The following F13A1 variants were observed in gnomAD, a reference collection of about 807,000 sequenced individuals.
F13A1 encodes coagulation factor XIII A chain.
In F13A1, 47 loss-of-function variants were observed where a neutral mutation model predicts 80.1. That is an observed-to-expected ratio of 0.59 (90% CI 0.46 to 0.75). F13A1 has a LOEUF of 0.75. Ranked by LOEUF, F13A1 falls within the 30% of genes least tolerant of loss-of-function variation. The probability of loss-of-function intolerance (pLI) is 0.00; values close to 1 mark genes in which losing one functional copy is unlikely to be tolerated. For synonymous variants in F13A1, 349 were observed against 344.9 expected (o/e 1.01, Z -0.13); for missense variants, 817 against 930.4 (o/e 0.88, Z 1.59).
At chr6:6,151,978 C>T (rs2274394) in intron 13 of F13A1, 29 bp from the exon 14 acceptor site, 1 of 1,612,612 alleles carries the variant, frequency 6.2e-7, no homozygotes, top group Non-Finnish European at 8.5e-7. Context: ...GTCATTAGCA[C>T]CAAATAAAAC....
At chr6:6,217,322 T>C (rs1319922328) in intron 8 of F13A1, among the ~76,000 whole-genome samples, 1 of 151,438 alleles carries the variant, frequency 6.6e-6, no homozygotes, top group East Asian at 2.0e-4. Flanking sequence ...ATGTGGCACA[T>C]ATACACCATG....
At chr6:6,256,936 A>G (rs1246667484) in intron 4 of F13A1, among the ~76,000 whole-genome samples, 4 of 152,222 alleles carry the variant, frequency 2.6e-5, no homozygotes, top group Non-Finnish European at 5.9e-5. Context: ...GCTAACCTAC[A>G]TGGTCTCTTT....
At chr6:6,282,500 G>T (rs1265968336) in intron 3 of F13A1, among the ~76,000 whole-genome samples, 3 of 152,148 alleles carry the variant, frequency 2.0e-5, no homozygotes, top group Non-Finnish European at 2.9e-5. Context: ...ATAGTCTCAA[G>T]ATAATTTCCT....
At chr6:6,253,612 TC>T (rs1382169028) in intron 4 of F13A1, among the ~76,000 whole-genome samples, 10 of 152,262 alleles carry the variant, frequency 6.6e-5, no homozygotes, top group Non-Finnish European at 1.5e-4. Context: ...ATGAGCCCAA[TC>T]CCAGCCAAGC....
intron 11 of F13A1, among the ~76,000 whole-genome samples, chr6:6,175,589 C>T (rs951163467): frequency 8.5e-5 from 13 of 152,206 alleles, no homozygotes; most frequent in South Asian, 6.2e-4. Context: ...AGTTGTCCAG[C>T]GCCTCCTGGA....
intron 10 of F13A1, among the ~76,000 whole-genome samples, chr6:6,192,351 TGAGTTAGGAG>T (rs1288675427): frequency 5.3e-5 from 8 of 151,992 alleles, no homozygotes; most frequent in East Asian, 1.9e-4. Flanking sequence ...ATCAGGGAGA[TGAGTTAGGAG>T]GAGTTAGGAG....
intron 4 of F13A1, among the ~76,000 whole-genome samples, chr6:6,256,946 T>C (rs894184599): frequency 6.6e-6 from 1 of 152,202 alleles, no homozygotes; most frequent in African/African-American, 2.4e-5. Flanking sequence ...ATGGTCTCTT[T>C]CAACAGTTTA....
chr6:6,151,306 C>T (rs1760369305), intron 14 of F13A1, among the ~76,000 whole-genome samples: 1 of 152,070 alleles, frequency 6.6e-6, no homozygotes, highest in Admixed American at 6.6e-5. Context: ...CAGTTGTAGA[C>T]ACTGATTGGG....
intron 14 of F13A1, among the ~76,000 whole-genome samples, chr6:6,148,991 C>T (rs547417662): frequency 1.0e-5 from 1 of 100,126 alleles, no homozygotes; most frequent in Non-Finnish European, 1.9e-5. Flanking sequence ...CATGTAGACA[C>T]TAAAAAAAAA....
chr6:6,162,687 A>G lies in F13A1; in HGVS notation c.1908+4771T>C, dbSNP rs986406107. Among the ~76,000 whole-genome samples, 4 of 152,214 alleles carry G rather than the reference A, an allele frequency of 2.6e-5. No homozygotes were observed. Among genetic ancestry groups the G allele is most frequent in the Non-Finnish European group, 4.4e-5 (3 of 68,036 alleles). On this transcript the variant is annotated intron_variant, in intron 13 of 14. Transcript: ENST00000264870. The surrounding 1 kb of genome is among the most constrained non-coding windows in gnomAD (Gnocchi z 4.2). ...CAGCAACCAACATATGTAGGTGTGC[A>G]CTGTGACTCGGGCATCCAATGACTC...
chr6:6,160,630 C>A (rs947815549), intron 13 of F13A1, among the ~76,000 whole-genome samples: 3 of 152,180 alleles, frequency 2.0e-5, no homozygotes, highest in African/African-American at 7.2e-5. Flanking sequence ...AGCCACTGCA[C>A]CCGGCCTCTC....
chr6:6,283,312 T>C (rs1758091461), intron 3 of F13A1, among the ~76,000 whole-genome samples: 1 of 152,192 alleles, frequency 6.6e-6, no homozygotes, highest in Non-Finnish European at 1.5e-5. Flanking sequence ...CATCTAAATA[T>C]AACATGTGAT....
chr6:6,169,840 A>G (rs1760741328), intron 12 of F13A1, among the ~76,000 whole-genome samples: 1 of 152,240 alleles, frequency 6.6e-6, no homozygotes. Flanking sequence ...GTATTGGCCT[A>G]TTTTGGGCAA....
At chr6:6,256,599 T>C (rs1257566111) in intron 4 of F13A1, among the ~76,000 whole-genome samples, 1 of 152,000 alleles carries the variant, frequency 6.6e-6, no homozygotes, top group Non-Finnish European at 1.5e-5. Flanking sequence ...CTGGTGGGAA[T>C]GGAAGGGTAG....
At chr6:6,241,196 A>G (rs1466165022) in intron 6 of F13A1, among the ~76,000 whole-genome samples, 1 of 152,224 alleles carries the variant, frequency 6.6e-6, no homozygotes, top group Non-Finnish European at 1.5e-5. Context: ...GAAGCTCTGG[A>G]TGGAGACTCA....
Position 6,145,642 on chromosome 6 carries a change from T to C in F13A1, c.2176A>G (p.Ile726Val). 2.5e-6 allele frequency: 4 copies of C among 1,614,152 alleles called. No individual in the cohort carries two copies. Among genetic ancestry groups the C allele is most frequent in the Non-Finnish European group, 2.5e-6 (3 of 1,180,006 alleles). Residue 726 changes from isoleucine to valine, a missense_variant, in exon 15 of 15, where the codon ATT (isoleucine) becomes GTT (valine). By Grantham distance (29) the Ile-to-Val change is conservative. Transcript: ENST00000264870. ...RHVYGELDVQ[I>V]QRRPSM ...ATTCACATGGAAGGTCGTCTTTGAA[T>C]CTGCACGTCCAGCTCGCCATACACA...
chr6:6,311,995 A>T (rs1227242651), intron 2 of F13A1, among the ~76,000 whole-genome samples: 1 of 147,806 alleles, frequency 6.8e-6, no homozygotes, highest in African/African-American at 2.5e-5. Flanking sequence ...TTTATATATG[A>T]TATGTGTATA....
chr6:6,158,893 CT>C (rs1298349460), intron 13 of F13A1, among the ~76,000 whole-genome samples: 1 of 144,412 alleles, frequency 6.9e-6, no homozygotes, highest in African/African-American at 2.6e-5. Flanking sequence ...GTGGTTTCCC[CT>C]TTTTTTCTTT....
rs1208159681 is a variant in F13A1, at chr6:6,250,077, C to T, written c.690+734G>A. Among the ~76,000 whole-genome samples the T allele has an allele frequency of 1.3e-5, 2 of 152,124 alleles. No homozygotes were observed. The highest frequency in any genetic ancestry group is 3.9e-4 in the East Asian group (2 of 5,176). On this transcript the variant is annotated intron_variant, in intron 5 of 14. Coordinates refer to ENST00000264870, the MANE Select transcript of F13A1 (RefSeq NM_000129.4). This position sits in a 1 kb window ranked among gnomAD's most constrained non-coding sequence, Gnocchi z 4.2. ...TGAAAACTCCCTGCTGGATGCCCAG[C>T]GCAATGATGCACAGTTCCAGCCATC...
Sources: allele counts gnomAD v4.1 joint callset (sites outside exome capture counted in the v4.1 genomes callset), GRCh38; gene constraint gnomAD v4.1.1; non-coding constraint Gnocchi (gnomAD v3.1); transcripts MANE v1.5; gene names NCBI Gene and HGNC (gene_info 2026-07-23, HGNC 2026-07-21).